TRIM9: variants seen among roughly 807,000 people sequenced by gnomAD.
TRIM9 encodes tripartite motif containing 9, also known as E3 ubiquitin-protein ligase TRIM9.
A neutral mutation model predicts 78.3 loss-of-function variants in TRIM9; 26 were observed. That is an observed-to-expected ratio of 0.33 (90% CI 0.24 to 0.46). The LOEUF is 0.46. TRIM9 is among the 20% of genes least tolerant of loss of function. The probability of loss-of-function intolerance (pLI) is 1.00; values close to 1 mark genes in which losing one functional copy is unlikely to be tolerated. For missense variants in TRIM9, 787 were observed against 1,036.4 expected (o/e 0.76, Z 3.30); for synonymous variants, 398 against 416.5 (o/e 0.96, Z 0.54).
At chr14:51,069,751 C>A (rs1221057825) in intron 1 of TRIM9, among the ~76,000 whole-genome samples, 1 of 152,158 alleles carries the variant, frequency 6.6e-6, no homozygotes, top group African/African-American at 2.4e-5. Context: ...TATAACTGAC[C>A]CCATATTCCT....
chr14:51,075,864 G>A (rs965648237), intron 1 of TRIM9, among the ~76,000 whole-genome samples: 1 of 152,124 alleles, frequency 6.6e-6, no homozygotes, highest in African/African-American at 2.4e-5. Flanking sequence ...CAAAAAAATC[G>A]TTGTGGGCTC....
chr14:51,092,068 T>G (rs2064397567), intron 1 of TRIM9, among the ~76,000 whole-genome samples: 1 of 152,222 alleles, frequency 6.6e-6, no homozygotes, highest in Non-Finnish European at 1.5e-5. Context: ...AGTGATTAAT[T>G]TTTTAGTTCC....
At chr14:51,075,454 A>T (rs1378381852) in intron 1 of TRIM9, among the ~76,000 whole-genome samples, 3 of 152,180 alleles carry the variant, frequency 2.0e-5, no homozygotes, top group Non-Finnish European at 4.4e-5. Flanking sequence ...TACATTTGAA[A>T]ATTATATACC....
intron 1 of TRIM9, among the ~76,000 whole-genome samples, chr14:51,040,785 G>C (rs2059526036): frequency 6.6e-6 from 1 of 152,144 alleles, no homozygotes; most frequent in South Asian, 2.1e-4. Flanking sequence ...TTCTCTGTTA[G>C]TACTAACATT....
intron 1 of TRIM9, among the ~76,000 whole-genome samples, chr14:51,042,730 T>C (rs552804582): frequency 6.6e-6 from 1 of 152,280 alleles, no homozygotes; most frequent in South Asian, 2.1e-4. Context: ...GGCTTAGTCT[T>C]ATTTGCAGGT....
At chr14:51,066,935 T>C (rs1352083486) in intron 1 of TRIM9, among the ~76,000 whole-genome samples, 2 of 152,232 alleles carry the variant, frequency 1.3e-5, no homozygotes, top group African/African-American at 4.8e-5. Flanking sequence ...ACTAAATTAG[T>C]CTGCAGTTCC....
intron 10 of TRIM9, 186 bp downstream of exon 10, chr14:50,982,756 T>C (rs902307565): frequency 1.8e-6 from 1 of 542,260 alleles, no homozygotes; most frequent in African/African-American, 1.9e-5. Flanking sequence ...GCTGGAGCAG[T>C]AGGAATTTCG....
At chr14:50,999,985 G>C (rs974106267) in intron 6 of TRIM9, among the ~76,000 whole-genome samples, 1 of 152,216 alleles carries the variant, frequency 6.6e-6, no homozygotes, top group Non-Finnish European at 1.5e-5. Context: ...TCTCAATGGG[G>C]ATAGGGCTCC....
intron 5 of TRIM9, among the ~76,000 whole-genome samples, 187 bp downstream of exon 5, chr14:51,008,893 G>C (rs2056198385): frequency 6.6e-6 from 1 of 152,218 alleles, no homozygotes; most frequent in South Asian, 2.1e-4. Context: ...GGCAAGCATT[G>C]AGTTGATCTG....
chr14:51,045,206 AT>A (rs2059861534), intron 1 of TRIM9, among the ~76,000 whole-genome samples: 1 of 152,222 alleles, frequency 6.6e-6, no homozygotes, highest in African/African-American at 2.4e-5. Context: ...CCCTGTGAGC[AT>A]CATGTCTGGT....
At chr14:50,983,056 T>C (rs1281714305) in intron 9 of TRIM9, 91 bp from the exon 10 acceptor site, 1 of 1,268,458 alleles carries the variant, frequency 7.9e-7, no homozygotes, top group Non-Finnish European at 1.1e-6. Flanking sequence ...GATAGACTAG[T>C]ACCCCAAAAG....
At chr14:51,066,069 GA>G (rs2140192547) in intron 1 of TRIM9, among the ~76,000 whole-genome samples, 2 of 124,226 alleles carry the variant, frequency 1.6e-5, no homozygotes, top group African/African-American at 3.1e-5. Flanking sequence ...AGGAAGGAAG[GA>G]AGGAAGGAAG....
At chr14:51,048,084 T>A (rs1197044190) in intron 1 of TRIM9, among the ~76,000 whole-genome samples, 1 of 152,230 alleles carries the variant, frequency 6.6e-6, no homozygotes, top group Non-Finnish European at 1.5e-5. Flanking sequence ...TTTCTTAAAT[T>A]CTACTCACAC....
chr14:51,084,422 T>C (rs2063575504), intron 1 of TRIM9, among the ~76,000 whole-genome samples: 1 of 152,236 alleles, frequency 6.6e-6, no homozygotes, highest in Non-Finnish European at 1.5e-5. Flanking sequence ...TGGCAGAAGG[T>C]AGCCGGATGA....
At chr14:51,028,397 T>C (rs2058444606) in intron 1 of TRIM9, among the ~76,000 whole-genome samples, 1 of 152,218 alleles carries the variant, frequency 6.6e-6, no homozygotes, top group Non-Finnish European at 1.5e-5. Context: ...ACATTGTTTT[T>C]ATAGGTTGGT....
chr14:51,001,488 C>T (rs1473793582), intron 5 of TRIM9, among the ~76,000 whole-genome samples: 45 of 152,068 alleles, frequency 3.0e-4, no homozygotes, highest in Non-Finnish European at 1.3e-4. Context: ...CTCTGCCTCC[C>T]AAAGTGCTGG....
rs146406269 is a variant in TRIM9 at position 51,049,584 on chromosome 14, T to C, written c.823-24224A>G. On this transcript the variant is annotated intron_variant, in intron 1 of 12. Transcript: ENST00000684578. ...GGCTCATGCCTGTAATCCCAGCACT[T>C]TGGGAGGCCGAGAGGGGTGGATCAT... is the stretch of plus-strand genomic sequence containing the variant. 9.4e-3 allele frequency among the ~76,000 whole-genome samples: 1,436 copies of C among 152,186 alleles called. 22 individuals carry two copies. Among genetic ancestry groups the C allele is most frequent in the African/African-American group, 0.032 (1,311 of 41,522 alleles).
chr14:51,094,095 G>C, intron 1 of TRIM9, 23 bp downstream of exon 1: 1 of 1,592,646 alleles, frequency 6.3e-7, no homozygotes, highest in South Asian at 1.1e-5. Context: ...AGGGAGTTAG[G>C]AGTGGGTTTT....
At chr14:51,070,365 A>G (rs2062108416) in intron 1 of TRIM9, among the ~76,000 whole-genome samples, 1 of 152,180 alleles carries the variant, frequency 6.6e-6, no homozygotes, top group Non-Finnish European at 1.5e-5. Context: ...AAATTTTGTG[A>G]CCAGAGGCTC....
Sources: allele counts gnomAD v4.1 joint callset (sites outside exome capture counted in the v4.1 genomes callset), GRCh38; gene constraint gnomAD v4.1.1; transcripts MANE v1.5; gene names NCBI Gene and HGNC (gene_info 2026-07-23, HGNC 2026-07-21).